The following EPHA7 variants were observed in gnomAD, a reference collection of about 807,000 sequenced individuals.
EPHA7 encodes EPH receptor A7, also known as ephrin type-A receptor 7.
Under a neutral mutation model 112.6 loss-of-function variants are expected in EPHA7, and 25 were observed. The observed-to-expected ratio is 0.22, with a 90% confidence interval of 0.16 to 0.31. The LOEUF is 0.31. Among genes scored for constraint, EPHA7 ranks in the 10% least tolerant of loss-of-function variants. EPHA7 has a pLI of 1.00. For missense variants in EPHA7, 962 were observed against 1,212.6 expected (o/e 0.79, Z 3.07); for synonymous variants, 437 against 406.5 (o/e 1.07, Z -0.90).
chr6:93,304,371 T>G (rs897627361), intron 5 of EPHA7, among the ~76,000 whole-genome samples: 4 of 151,982 alleles, frequency 2.6e-5, no homozygotes, highest in African/African-American at 9.7e-5. Flanking sequence ...CTAACGGAGT[T>G]GTGCAGAAAA....
chr6:93,256,284 T>G (rs1770437415), intron 12 of EPHA7, among the ~76,000 whole-genome samples: 1 of 152,128 alleles, frequency 6.6e-6, no homozygotes, highest in Non-Finnish European at 1.5e-5. Flanking sequence ...AATAACAGTT[T>G]GAGTTTGCAC....
At chr6:93,396,757 C>T (rs1778193831) in intron 3 of EPHA7, among the ~76,000 whole-genome samples, 1 of 151,580 alleles carries the variant, frequency 6.6e-6, no homozygotes, top group Non-Finnish European at 1.5e-5. Context: ...AATATATTTG[C>T]ACATCTGGAA....
intron 5 of EPHA7, among the ~76,000 whole-genome samples, chr6:93,278,798 A>T (rs1582435742): frequency 6.6e-6 from 1 of 151,832 alleles, no homozygotes; most frequent in South Asian, 2.1e-4. Flanking sequence ...TTTTTATTTA[A>T]TTCACGTTTT....
chr6:93,344,247 A>T (rs1023946442), intron 5 of EPHA7, among the ~76,000 whole-genome samples: 9 of 151,606 alleles, frequency 5.9e-5, no homozygotes, highest in African/African-American at 2.2e-4. Flanking sequence ...ATAAATGCAT[A>T]GTTTATCTTT....
At chr6:93,321,068 C>T (rs1307429842) in intron 5 of EPHA7, among the ~76,000 whole-genome samples, 1 of 151,762 alleles carries the variant, frequency 6.6e-6, no homozygotes, top group African/African-American at 2.4e-5. Context: ...ACAATTCATA[C>T]CCTTGAGAAA....
intron 5 of EPHA7, among the ~76,000 whole-genome samples, chr6:93,284,521 T>C (rs1247636527): frequency 6.6e-6 from 1 of 152,100 alleles, no homozygotes; most frequent in Non-Finnish European, 1.5e-5. Context: ...ACTACCTCAT[T>C]TATAAAGATA....
At chr6:93,405,805 GTGTGTGTGTATATATATATATA>G (rs1562162744) in intron 3 of EPHA7, among the ~76,000 whole-genome samples, 1 of 64,468 alleles carries the variant, frequency 1.6e-5, no homozygotes, top group East Asian at 6.0e-4. Context: ...GTGTGTGTGT[GTGTGTGTGTATATATATATATA>G]TATATATATA....
intron 1 of EPHA7, among the ~76,000 whole-genome samples, chr6:93,417,947 G>A (rs1398621110): frequency 6.6e-6 from 1 of 152,014 alleles, no homozygotes; most frequent in African/African-American, 2.4e-5. Context: ...AGGAGTGCAC[G>A]ATGAGAATAA....
intron 14 of EPHA7, among the ~76,000 whole-genome samples, chr6:93,247,827 T>A (rs1770026889): frequency 6.6e-6 from 1 of 152,198 alleles, no homozygotes; most frequent in African/African-American, 2.4e-5. Context: ...ACTGTTTATA[T>A]GAAGCTTTGA....
chr6:93,374,460 C>G (rs1404103634), intron 3 of EPHA7, among the ~76,000 whole-genome samples: 1 of 152,122 alleles, frequency 6.6e-6, no homozygotes, highest in Non-Finnish European at 1.5e-5. Flanking sequence ...AATATATTAC[C>G]TTTATATTTC....
At chr6:93,291,692 C>T (rs1173752987) in intron 5 of EPHA7, among the ~76,000 whole-genome samples, 7 of 135,480 alleles carry the variant, frequency 5.2e-5, no homozygotes, top group Admixed American at 2.5e-4. Flanking sequence ...GGCGTGAACC[C>T]GGGAGGCGGA....
chr6:93,298,211 T>C (rs1772774298), intron 5 of EPHA7, among the ~76,000 whole-genome samples: 1 of 152,138 alleles, frequency 6.6e-6, no homozygotes, highest in African/African-American at 2.4e-5. Context: ...CGTTTAATAA[T>C]AAAGGTATCA....
At chr6:93,298,444 G>A (rs926629591) in intron 5 of EPHA7, among the ~76,000 whole-genome samples, 2 of 151,944 alleles carry the variant, frequency 1.3e-5, no homozygotes, top group African/African-American at 2.4e-5. Context: ...AAAATGCAGA[G>A]TAGCATATAT....
intron 6 of EPHA7, 50 bp from the exon 7 acceptor site, chr6:93,269,710 A>G (rs369313109): frequency 4.4e-5 from 60 of 1,377,560 alleles, no homozygotes; most frequent in Non-Finnish European, 5.3e-5. Flanking sequence ...CAACCAGACA[A>G]TTTGACAGCC....
intron 5 of EPHA7, among the ~76,000 whole-genome samples, chr6:93,307,879 C>T (rs1773336966): frequency 6.6e-6 from 1 of 152,082 alleles, no homozygotes; most frequent in East Asian, 1.9e-4. Flanking sequence ...TCTATGGTTA[C>T]TCAAAAATAG....
intron 5 of EPHA7, among the ~76,000 whole-genome samples, chr6:93,342,972 T>C (rs1775216111): frequency 1.3e-5 from 2 of 151,856 alleles, no homozygotes; most frequent in Admixed American, 6.6e-5. Context: ...AGATGGCATA[T>C]GGAATTCACA....
intron 5 of EPHA7, 104 bp downstream of exon 5, chr6:93,356,613 G>T: frequency 9.3e-7 from 1 of 1,072,578 alleles, no homozygotes. Context: ...CAACAAGCTG[G>T]AAGAATCAAG....
At chr6:93,323,794 C>A (rs553469247) in intron 5 of EPHA7, among the ~76,000 whole-genome samples, 1 of 151,440 alleles carries the variant, frequency 6.6e-6, no homozygotes, top group Admixed American at 6.6e-5. Context: ...TGCCAGATAC[C>A]CTGACAAACA....
intron 14 of EPHA7, among the ~76,000 whole-genome samples, chr6:93,252,068 A>G (rs781472500): frequency 3.9e-5 from 6 of 151,914 alleles, no homozygotes; most frequent in Non-Finnish European, 8.8e-5. Flanking sequence ...TTTCTTGTTC[A>G]TTGCCTTGTC....
Sources: gnomAD v4.1 joint callset for allele counts (sites outside exome capture counted in the v4.1 genomes callset) on GRCh38, gnomAD v4.1.1 for gene constraint, MANE v1.5 for transcripts, NCBI Gene and HGNC (gene_info 2026-07-23, HGNC 2026-07-21) for gene names.